Variants in PCDHGC4 observed in about 807,000 individuals in gnomAD.
PCDHGC4 encodes the protein protocadherin gamma subfamily C, 4, also known as protocadherin gamma-C4.
Under a neutral mutation model 59.7 loss-of-function variants are expected in PCDHGC4, and 15 were observed. That is an observed-to-expected ratio of 0.25 (90% CI 0.17 to 0.39). The LOEUF is 0.39. Among genes scored for constraint, PCDHGC4 ranks in the 10% least tolerant of loss-of-function variants. PCDHGC4 has a pLI of 1.00. For missense variants in PCDHGC4, 1,016 were observed against 1,189.5 expected (o/e 0.85, Z 2.15); for synonymous variants, 434 against 481.4 (o/e 0.90, Z 1.29).
Position 141,487,333 on chromosome 5 carries a change from C to T in PCDHGC4, c.2160C>T (p.Ala720=). 6.2e-7 allele frequency: 1 copy of T among 1,614,176 alleles called. No homozygotes were observed. The highest frequency in any genetic ancestry group is 8.5e-7 in the Non-Finnish European group (1 of 1,180,022). The change falls in exon 1 of 4, where the codon GCC becomes GCT. Residue 720 remains alanine, a synonymous_variant. Transcript: ENST00000306593. The surrounding 1 kb of genome is among the most constrained non-coding windows in gnomAD (Gnocchi z 5.0). ...TCTCTAAGTGTCTTCGTGGGGCAGC[C>T]TGTGGAGTCACATGCTTTCCTGCTG... ...ALLSKCLRGA[A]CGVTCFPAGT... is the part of the protein sequence containing the mutation.
chr5:141,486,637 G>T lies in PCDHGC4; in HGVS notation c.1464G>T (p.Ala488=). The change falls in exon 1 of 4, where the codon GCG becomes GCT. Residue 488 remains alanine, a synonymous_variant. Coordinates refer to ENST00000306593, the MANE Select transcript of PCDHGC4 (RefSeq NM_018928.3). This position sits in a 1 kb window ranked among gnomAD's most constrained non-coding sequence, Gnocchi z 5.0. ...CTGACCCAGACTCTGGCTTGAATGCGCTTATCTCCTACTCACTCCTGGAGC... is the reference window on the plus strand; with the variant it reads ...CTGACCCAGACTCTGGCTTGAATGCTCTTATCTCCTACTCACTCCTGGAGC... The part of the protein sequence containing the change: ...AASDPDSGLN[A]LISYSLLEPR... 6.2e-7 allele frequency: 1 copy of T among 1,613,638 alleles called. No homozygotes were observed. The highest frequency in any genetic ancestry group is 8.5e-7 in the Non-Finnish European group (1 of 1,180,034).
intron 2 of PCDHGC4, among the ~76,000 whole-genome samples, chr5:141,505,066 G>A (rs1312509903): frequency 6.6e-6 from 1 of 152,190 alleles, no homozygotes; most frequent in Non-Finnish European, 1.5e-5. Flanking sequence ...GGAGACTGAG[G>A]CAGGAGAATC....
chr5:141,505,507 A>G, intron 3 of PCDHGC4, 26 bp downstream of exon 3: 1 of 1,614,004 alleles, frequency 6.2e-7, no homozygotes, highest in South Asian at 1.1e-5. Flanking sequence ...GTGTGTATGG[A>G]AGAGTGGGAG....
intron 1 of PCDHGC4, among the ~76,000 whole-genome samples, chr5:141,494,392 A>C (rs1296077484): frequency 1.3e-5 from 2 of 152,258 alleles, no homozygotes; most frequent in East Asian, 3.9e-4. Flanking sequence ...GAGTTGAATA[A>C]ATTCATTCTA....
rs1387152450 is a variant in PCDHGC4 at position 141,487,754 on chromosome 5, G to A, written c.2442+139G>A. The A allele has an allele frequency of 1.3e-6, 2 of 1,552,036 alleles. No individual in the cohort carries two copies. Among genetic ancestry groups the A allele is most frequent in the Admixed American group, 3.9e-5 (2 of 50,970 alleles). ...CATTTTTGTAAGAGGTAACTATGTG[G>A]TAGACGCTGTGCTTTGTAACTGTTT... On this transcript the variant is annotated intron_variant, in intron 1 of 3. Transcript: ENST00000306593. This position sits in a 1 kb window ranked among gnomAD's most constrained non-coding sequence, Gnocchi z 5.0.
rs1185020546 is a variant in PCDHGC4, at chr5:141,485,472, C to A, written c.299C>A (p.Ala100Asp). 3 of 1,614,138 alleles carry A rather than the reference C, an allele frequency of 1.9e-6. No homozygotes were observed. Among genetic ancestry groups the A allele is most frequent in the Non-Finnish European group, 2.5e-6 (3 of 1,180,022 alleles). Residue 100 changes from alanine to aspartate, a missense_variant, in exon 1 of 4, where the codon GCC becomes GAC. Ala to Asp is a moderately radical substitution (Grantham distance 126). Transcript: ENST00000306593. The surrounding 1 kb of genome is among the most constrained non-coding windows in gnomAD (Gnocchi z 5.7). Reference protein sequence around the residue: ...IDREALCGLSASCIVPLEFVT... With the variant: ...IDREALCGLSDSCIVPLEFVT... The stretch of plus-strand genomic sequence containing the variant: ...CGAGAGGCACTGTGTGGGCTCAGTG[C>A]CAGCTGCATCGTGCCCCTGGAGTTT...
rs1248714579 is a variant in PCDHGC4 at position 141,489,513 on chromosome 5, C to A, written c.2442+1898C>A. The A allele has an allele frequency of 6.2e-7, 1 of 1,614,000 alleles. No homozygotes were observed. Among genetic ancestry groups the A allele is most frequent in the African/African-American group, 1.3e-5 (1 of 74,918 alleles). ...CCCTGGCAGTGAATCAAAAGATTGACCGAGAAAGCCTATGTGGAGCCAGCA... is the reference window on the plus strand; with the variant it reads ...CCCTGGCAGTGAATCAAAAGATTGAACGAGAAAGCCTATGTGGAGCCAGCA... On this transcript the variant is annotated intron_variant, in intron 1 of 3. Coordinates refer to ENST00000306593, the MANE Select transcript of PCDHGC4 (RefSeq NM_018928.3). The surrounding 1 kb of genome is among the most constrained non-coding windows in gnomAD (Gnocchi z 4.5).
At chr5:141,503,387 G>A (rs975079596) in intron 2 of PCDHGC4, among the ~76,000 whole-genome samples, 24 of 152,068 alleles carry the variant, frequency 1.6e-4, no homozygotes, top group Middle Eastern at 3.4e-3. Flanking sequence ...ATGAGGTCAG[G>A]AGTTCGAAAC....
intron 2 of PCDHGC4, among the ~76,000 whole-genome samples, chr5:141,499,689 CTTTTTT>C (rs545067566): frequency 3.3e-5 from 4 of 119,854 alleles, no homozygotes; most frequent in Admixed American, 8.7e-5. Flanking sequence ...TAACAGATGA[CTTTTTT>C]TTTTTTTTTT....
intron 3 of PCDHGC4, among the ~76,000 whole-genome samples, chr5:141,506,454 A>G (rs2099853946): frequency 6.6e-6 from 1 of 151,844 alleles, no homozygotes; most frequent in African/African-American, 2.4e-5. Context: ...CAAAAAAAAA[A>G]AAAAAAAAAA....
In PCDHGC4 at chr5:141,485,610, C is replaced by A; in HGVS notation, c.437C>A (p.Ala146Asp). ...CTGGACTTGGAAATTGGGGAGGCAGCTCCTCCAGGACAGCGTTTCCCGTTG... is the reference window on the plus strand; with the variant it reads ...CTGGACTTGGAAATTGGGGAGGCAGATCCTCCAGGACAGCGTTTCCCGTTG... ...QQLDLEIGEA[A>D]PPGQRFPLEK... Residue 146 changes from alanine to aspartate, a missense_variant, in exon 1 of 4, where the codon GCT (alanine) becomes GAT (aspartate). Coordinates refer to ENST00000306593, the MANE Select transcript of PCDHGC4 (RefSeq NM_018928.3). This position sits in a 1 kb window ranked among gnomAD's most constrained non-coding sequence, Gnocchi z 5.7. The A allele has an allele frequency of 1.2e-6, 2 of 1,612,076 alleles. No individual in the cohort carries two copies. The highest frequency in any genetic ancestry group is 1.7e-6 in the Non-Finnish European group (2 of 1,178,616).
At chr5:141,501,883 G>A (rs1204174131) in intron 2 of PCDHGC4, among the ~76,000 whole-genome samples, 1 of 152,022 alleles carries the variant, frequency 6.6e-6, no homozygotes, top group African/African-American at 2.4e-5. Flanking sequence ...TTACACTCCT[G>A]ATCATCATGG....
rs374663576 is a variant in PCDHGC4, at chr5:141,489,905, G to T, written c.2442+2290G>T. On this transcript the variant is annotated intron_variant, in intron 1 of 3. Coordinates refer to ENST00000306593, the MANE Select transcript of PCDHGC4 (RefSeq NM_018928.3). The surrounding 1 kb of genome is among the most constrained non-coding windows in gnomAD (Gnocchi z 4.5). ...GCTGTGGATGGGGGGACCCCAGCCC[G>T]CTCAGGGACCACCCTTATCTCTGTC... The T allele has an allele frequency of 9.7e-5, 156 of 1,614,226 alleles. 3 individuals are homozygous for T. The South Asian group carries it at 1.6e-3, about 16-fold the overall frequency.
At chr5:141,496,869 A>G (rs2099772006) in intron 2 of PCDHGC4, among the ~76,000 whole-genome samples, 1 of 150,116 alleles carries the variant, frequency 6.7e-6, no homozygotes, top group African/African-American at 2.5e-5. Context: ...GAGACTGAAA[A>G]TTTGCAACAA....
chr5:141,509,148 C>T (rs1345910772), intron 3 of PCDHGC4, among the ~76,000 whole-genome samples: 1 of 152,198 alleles, frequency 6.6e-6, no homozygotes, highest in Non-Finnish European at 1.5e-5. Context: ...CATCCCGGCT[C>T]TCCCCTCCCG....
chr5:141,485,887 C>T lies in PCDHGC4; in HGVS notation c.714C>T (p.Asn238=). 1 of 1,614,098 alleles carries T rather than the reference C, an allele frequency of 6.2e-7. No homozygotes were observed. The change falls in exon 1 of 4, where the codon AAC becomes AAT. Residue 238 remains asparagine, a synonymous_variant. Transcript: ENST00000306593. The surrounding 1 kb of genome is among the most constrained non-coding windows in gnomAD (Gnocchi z 5.7). ...TATCCGTGCTGGACGTAAACGACAA[C>T]GCCCCAGCCTTCCAGCAATCCAGCT... The part of the protein sequence containing the change: ...LRVSVLDVND[N]APAFQQSSYR...
chr5:141,491,114 C>T lies in PCDHGC4; in HGVS notation c.2442+3499C>T, dbSNP rs1240431232. 1 of 1,614,104 alleles carries T rather than the reference C, an allele frequency of 6.2e-7. No homozygotes were observed. Among genetic ancestry groups the T allele is most frequent in the Admixed American group, 1.7e-5 (1 of 60,012 alleles). ...GGACTGTTCCTCGTGTCTACACACA[C>T]TGGTGAGGTGCGCACAGCCCGGGCC... On this transcript the variant is annotated intron_variant, in intron 1 of 3. Transcript: ENST00000306593. The surrounding 1 kb of genome is among the most constrained non-coding windows in gnomAD (Gnocchi z 6.9).
intron 1 of PCDHGC4, among the ~76,000 whole-genome samples, chr5:141,494,399 T>A (rs2099754028): frequency 6.6e-6 from 1 of 152,146 alleles, no homozygotes; most frequent in South Asian, 2.1e-4. Context: ...ATAAATTCAT[T>A]CTAGGGCTGG....
intron 2 of PCDHGC4, among the ~76,000 whole-genome samples, chr5:141,502,124 A>G (rs4912762): frequency 0.55 from 83,213 of 152,012 alleles, 23,486 homozygotes; most frequent in African/African-American, 0.67. Flanking sequence ...CCAGGCCCAC[A>G]GAGCTCAGTC....
Sources: gnomAD v4.1 joint callset for allele counts (sites outside exome capture counted in the v4.1 genomes callset) on GRCh38, gnomAD v4.1.1 for gene constraint, Gnocchi (gnomAD v3.1) non-coding constraint, MANE v1.5 for transcripts, NCBI Gene and HGNC (gene_info 2026-07-23, HGNC 2026-07-21) for gene names.